Variants in ZNF124 observed in about 807,000 individuals in gnomAD.
ZNF124 encodes the protein zinc finger protein HZF-16.
ZNF124 carries 25 observed loss-of-function variants against 26.6 expected under a neutral mutation model. That is an observed-to-expected ratio of 0.94 (90% CI 0.68 to 1.31). The LOEUF is 1.31. Among genes scored for constraint, ZNF124 ranks in the 40% most tolerant of loss-of-function variants. The pLI is 0.00. For missense variants in ZNF124, 444 were observed against 422.2 expected (o/e 1.05, Z -0.45); for synonymous variants, 129 against 133.3 (o/e 0.97, Z 0.22).
At chr1:247,142,841 CTTTTT>C (rs56080219) in intron 3 of ZNF124, among the ~76,000 whole-genome samples, 1 of 143,774 alleles carries the variant, frequency 7.0e-6, no homozygotes, top group Non-Finnish European at 1.5e-5. Context: ...CAGGTATTGT[CTTTTT>C]TTTTTTTTAC....
intron 3 of ZNF124, among the ~76,000 whole-genome samples, chr1:247,134,494 C>A (rs757752535): frequency 2.6e-5 from 4 of 151,988 alleles, no homozygotes; most frequent in African/African-American, 7.2e-5. Context: ...CAACAAAGAT[C>A]AAAAAAGACA....
At chr1:247,132,361 A>G (rs938534828) in intron 3 of ZNF124, among the ~76,000 whole-genome samples, 2 of 152,194 alleles carry the variant, frequency 1.3e-5, no homozygotes, top group African/African-American at 4.8e-5. Context: ...CTGAAAACCC[A>G]AAAGGCCAGA....
chr1:247,159,271 T>C (rs1673340048), intron 2 of ZNF124, among the ~76,000 whole-genome samples: 1 of 152,214 alleles, frequency 6.6e-6, no homozygotes, highest in African/African-American at 2.4e-5. Context: ...GCATGTTTTC[T>C]CTTACTCTTG....
chr1:247,157,534 AT>A, intron 3 of ZNF124, 131 bp from the exon 4 acceptor site: 5 of 783,230 alleles, frequency 6.4e-6, no homozygotes, highest in Middle Eastern at 4.5e-4. Context: ...GACTTATTTA[AT>A]TTTACACAGT....
intron 3 of ZNF124, among the ~76,000 whole-genome samples, chr1:247,141,284 C>T (rs1294112336): frequency 1.3e-5 from 2 of 151,354 alleles, no homozygotes; most frequent in Non-Finnish European, 2.9e-5. Context: ...CTGAGGATAG[C>T]AAGGGCAGTT....
intron 3 of ZNF124, among the ~76,000 whole-genome samples, chr1:247,127,469 C>A (rs1298396173): frequency 4.4e-5 from 4 of 90,824 alleles, no homozygotes; most frequent in East Asian, 2.7e-4. Flanking sequence ...GACCACCCCT[C>A]ATATTGTCTT....
intron 3 of ZNF124, among the ~76,000 whole-genome samples, chr1:247,140,523 TGGA>T (rs538282707): frequency 6.6e-6 from 1 of 152,260 alleles, no homozygotes; most frequent in South Asian, 2.1e-4. Context: ...TGTGGTCATC[TGGA>T]GGACATACAA....
Position 247,140,796 on chromosome 1 carries a change from G to T in ZNF124, c.219-16925C>A, listed in dbSNP as rs375779848. Among the ~76,000 whole-genome samples, 3 of 152,306 alleles carry T rather than the reference G, an allele frequency of 2.0e-5. No individual in the cohort carries two copies. The East Asian group carries it at 5.8e-4, about 29-fold the overall frequency. On this transcript the variant is annotated intron_variant, in intron 3 of 3. Transcript: ENST00000472531. ...CAGTAGGTGGTGCTTAGGCATACTG[G>T]TTAGTTGGTAGGCTCTTGCTTGGTC...
intron 3 of ZNF124, among the ~76,000 whole-genome samples, chr1:247,127,549 A>ACAGC (rs1418215014): frequency 5.2e-5 from 7 of 134,304 alleles, no homozygotes; most frequent in African/African-American, 1.6e-4. Context: ...CCACAGGCAG[A>ACAGC]CAGCCCGGCG....
Position 247,157,255 on chromosome 1 carries a change from C to CAT in ZNF124, c.365_366dup (p.Gly123MetfsTer38). 1 of 1,613,492 alleles carries CAT rather than the reference C, an allele frequency of 6.2e-7. No homozygotes were observed. Among genetic ancestry groups the CAT allele is most frequent in the East Asian group, 2.2e-5 (1 of 44,856 alleles). On this transcript the variant is annotated frameshift_variant, in exon 4 of 4. Coordinates refer to ENST00000543802, the MANE Select transcript of ZNF124 (RefSeq NM_001297568.2). LOFTEE classifies it high-confidence loss of function. ...AAAACTTTCTCACATATTGTACAACCATAATGTCCATTTCCAGTGTGCATT... is the reference window on the plus strand; with the variant it reads ...AAAACTTTCTCACATATTGTACAACCATATAATGTCCATTTCCAGTGTGCATT...
intron 3 of ZNF124, among the ~76,000 whole-genome samples, chr1:247,135,946 A>G (rs759166728): frequency 6.6e-6 from 1 of 152,246 alleles, no homozygotes. Context: ...CTCTCAATAT[A>G]TGAAGTAAAG....
intron 3 of ZNF124, among the ~76,000 whole-genome samples, chr1:247,125,209 G>A (rs1296172590): frequency 6.6e-6 from 1 of 152,118 alleles, no homozygotes; most frequent in Non-Finnish European, 1.5e-5. Context: ...TACGAATGCT[G>A]CTGCTGTGAA....
intron 3 of ZNF124, among the ~76,000 whole-genome samples, chr1:247,130,456 A>G (rs1312352002): frequency 6.6e-6 from 1 of 152,228 alleles, no homozygotes; most frequent in Non-Finnish European, 1.5e-5. Flanking sequence ...TCACTAAAGC[A>G]TCAGTTCCAC....
At chr1:247,150,563 T>C (rs1346105937), downstream of ZNF124, among the ~76,000 whole-genome samples, 1 of 152,058 alleles carries the variant, frequency 6.6e-6, no homozygotes, top group Non-Finnish European at 1.5e-5. Context: ...AAATTTTAAA[T>C]ATACATCCTG....
intron 3 of ZNF124, among the ~76,000 whole-genome samples, chr1:247,139,597 TGTGTATTTAA>T (rs1672574417): frequency 6.6e-6 from 1 of 152,248 alleles, no homozygotes; most frequent in Non-Finnish European, 1.5e-5. Context: ...GTCACTGATC[TGTGTATTTAA>T]GTGTGTTTTT....
intron 3 of ZNF124, among the ~76,000 whole-genome samples, chr1:247,143,052 C>T (rs1391657181): frequency 6.6e-6 from 1 of 151,990 alleles, no homozygotes; most frequent in Admixed American, 6.6e-5. Flanking sequence ...CATAAAGAAT[C>T]TGCATGTGAG....
chr1:247,156,669 T>C lies in ZNF124; in HGVS notation c.953A>G (p.Tyr318Cys), dbSNP rs933266505. Residue 318 changes from tyrosine (Y) to cysteine (C), a missense_variant, in exon 4 of 4, where the codon TAT (tyrosine) becomes TGT (cysteine). Tyr to Cys is a radical substitution (Grantham distance 194, BLOSUM62 -2). Transcript: ENST00000543802. Reference sequence around the variant, plus strand: ...GGCTTTGCCACATTTCTGACATTCATAGGGTTTCTCTCCAGTATGAGTCCT... The same window carrying C: ...GGCTTTGCCACATTTCTGACATTCACAGGGTTTCTCTCCAGTATGAGTCCT... ...HERTHTGEKP[Y>C]ECQKCGKAFS... 2 of 1,612,748 alleles carry C rather than the reference T, an allele frequency of 1.2e-6. No homozygotes were observed. Among genetic ancestry groups the C allele is most frequent in the East Asian group, 2.2e-5 (1 of 44,888 alleles).
At chr1:247,153,065 G>A (rs540687182), downstream of ZNF124, among the ~76,000 whole-genome samples, 62 of 151,888 alleles carry the variant, frequency 4.1e-4, 2 homozygotes, top group South Asian at 0.012. Context: ...CCCGGGAGGT[G>A]GAGGTTGCAG....
Position 247,162,263 on chromosome 1 carries a change from T to C in ZNF124, c.31-2450A>G, listed in dbSNP as rs1226188057. Among the ~76,000 whole-genome samples, 9 of 152,256 alleles carry C rather than the reference T, an allele frequency of 5.9e-5. No individual in the cohort carries two copies. In the East Asian group the frequency reaches 1.7e-3, roughly 29 times the overall value. On this transcript the variant is annotated intron_variant, in intron 1 of 3. Coordinates refer to ENST00000543802, the MANE Select transcript of ZNF124 (RefSeq NM_001297568.2). ...ACAAGATCAAATCTACACATATGAA[T>C]AGTAACCTTGAATGTAAATGGGCTA...
Sources: allele counts gnomAD v4.1 joint callset (sites outside exome capture counted in the v4.1 genomes callset), GRCh38; gene constraint gnomAD v4.1.1; transcripts MANE v1.5; gene names NCBI Gene and HGNC (gene_info 2026-07-23, HGNC 2026-07-21).